Variants in FBXL17 observed in about 807,000 individuals in gnomAD.
The protein encoded by FBXL17 is F-box and leucine rich repeat protein 17.
A neutral mutation model predicts 66.2 loss-of-function variants in FBXL17; 22 were observed. The observed-to-expected ratio is 0.33, with a 90% confidence interval of 0.24 to 0.47. The LOEUF (loss-of-function observed/expected upper bound fraction) is 0.47. Ranked by LOEUF, FBXL17 falls within the 20% of genes least tolerant of loss-of-function variation. The pLI is 1.00. For missense variants in FBXL17, 878 were observed against 948.2 expected, an observed-to-expected ratio of 0.93 and a Z score of 0.97; for synonymous variants, 474 against 400.5, an observed-to-expected ratio of 1.18 and a Z score of -2.19.
At chr5:108,068,746 T>C (rs1020843776) in intron 6 of FBXL17, among the ~76,000 whole-genome samples, 2 of 152,158 alleles carry the variant, frequency 1.3e-5, no homozygotes, top group Non-Finnish European at 2.9e-5. Context: ...CGTGAGCCAC[T>C]GCGCCCGGCC....
At chr5:108,363,262 T>G (rs1748454716) in intron 3 of FBXL17, among the ~76,000 whole-genome samples, 1 of 151,992 alleles carries the variant, frequency 6.6e-6, no homozygotes, top group Non-Finnish European at 1.5e-5. Flanking sequence ...TAATTTCTAT[T>G]TTATGTATAT....
At chr5:108,353,747 C>T (rs1008058570) in intron 3 of FBXL17, among the ~76,000 whole-genome samples, 16 of 152,072 alleles carry the variant, frequency 1.1e-4, no homozygotes, top group Non-Finnish European at 1.9e-4. Context: ...CATCCCAGCC[C>T]ACCTAAGGGT....
intron 4 of FBXL17, among the ~76,000 whole-genome samples, chr5:108,231,567 G>A (rs1340098490): frequency 1.3e-5 from 2 of 152,008 alleles, no homozygotes; most frequent in Admixed American, 6.6e-5. Flanking sequence ...TCCTGTTCCC[G>A]CAACAGTACA....
intron 6 of FBXL17, among the ~76,000 whole-genome samples, chr5:108,140,768 C>T (rs533747226): frequency 3.9e-5 from 6 of 152,058 alleles, no homozygotes; most frequent in African/African-American, 4.8e-5. Flanking sequence ...CCCCAAAATT[C>T]GAGATGATTG....
At chr5:107,982,358 G>A (rs762681348) in intron 7 of FBXL17, among the ~76,000 whole-genome samples, 104 of 152,090 alleles carry the variant, frequency 6.8e-4, no homozygotes, top group Admixed American at 2.1e-3. Flanking sequence ...TCAAGGAAAT[G>A]TACCAGGTTC....
chr5:107,961,222 G>T (rs2416520), intron 7 of FBXL17, among the ~76,000 whole-genome samples: 61,072 of 150,520 alleles, frequency 0.41, 12,518 homozygotes, highest in South Asian at 0.53. Context: ...TTCTTTTTTT[G>T]GGGGGTTTTG....
chr5:108,165,666 G>T (rs114031765), intron 6 of FBXL17, among the ~76,000 whole-genome samples: 36 of 152,168 alleles, frequency 2.4e-4, no homozygotes, highest in African/African-American at 8.7e-4. Flanking sequence ...GATTATCCTT[G>T]AGCCTTAGTT....
At chr5:108,304,145 A>G (rs1223466825) in intron 4 of FBXL17, among the ~76,000 whole-genome samples, 1 of 152,016 alleles carries the variant, frequency 6.6e-6, no homozygotes, top group African/African-American at 2.4e-5. Flanking sequence ...TATGATGGGC[A>G]TTAAACACTT....
At chr5:107,956,365 A>T (rs1404315889) in intron 7 of FBXL17, among the ~76,000 whole-genome samples, 1 of 152,150 alleles carries the variant, frequency 6.6e-6, no homozygotes, top group Non-Finnish European at 1.5e-5. Context: ...TTTCAGAACC[A>T]CTGCTATAGA....
intron 4 of FBXL17, among the ~76,000 whole-genome samples, chr5:108,314,917 A>G (rs1177509476): frequency 1.3e-5 from 2 of 151,244 alleles, no homozygotes; most frequent in South Asian, 2.1e-4. Context: ...CTGTTGTATT[A>G]TTAAAGATCA....
At chr5:108,021,889 T>C (rs1044866970) in intron 6 of FBXL17, among the ~76,000 whole-genome samples, 1 of 151,878 alleles carries the variant, frequency 6.6e-6, no homozygotes, top group African/African-American at 2.4e-5. Flanking sequence ...AAAAGAGTCA[T>C]TAACCTTTTC....
At chr5:108,166,109 T>C (rs1314456354) in intron 6 of FBXL17, among the ~76,000 whole-genome samples, 1 of 152,196 alleles carries the variant, frequency 6.6e-6, no homozygotes, top group Non-Finnish European at 1.5e-5. Context: ...CTATCTGACA[T>C]TGAGGTATAT....
At chr5:107,929,314 T>G (rs1328263590) in intron 7 of FBXL17, among the ~76,000 whole-genome samples, 1 of 152,188 alleles carries the variant, frequency 6.6e-6, no homozygotes, top group African/African-American at 2.4e-5. Flanking sequence ...TCCTGATGCT[T>G]CTTTCCTACT....
chr5:107,979,223 T>A (rs1216712879), intron 7 of FBXL17, among the ~76,000 whole-genome samples: 1 of 152,226 alleles, frequency 6.6e-6, no homozygotes, highest in East Asian at 1.9e-4. Context: ...TATGTAATAC[T>A]GAAACAATTC....
intron 4 of FBXL17, among the ~76,000 whole-genome samples, chr5:108,326,476 G>A (rs184685878): frequency 5.6e-4 from 85 of 151,934 alleles, no homozygotes; most frequent in Admixed American, 1.6e-3. Context: ...GGTGGTGCAC[G>A]CCTGTAATCC....
intron 6 of FBXL17, among the ~76,000 whole-genome samples, chr5:108,044,914 AT>A (rs1340236260): frequency 6.6e-6 from 1 of 152,024 alleles, no homozygotes; most frequent in East Asian, 1.9e-4. Context: ...AAATTGTCAA[AT>A]TTATGTGTGT....
intron 7 of FBXL17, among the ~76,000 whole-genome samples, chr5:108,005,962 G>A (rs759401167): frequency 6.6e-6 from 1 of 152,158 alleles, no homozygotes; most frequent in Non-Finnish European, 1.5e-5. Flanking sequence ...GAACCGTGAC[G>A]TGGGACTACC....
intron 7 of FBXL17, among the ~76,000 whole-genome samples, chr5:107,960,947 A>C (rs1751878455): frequency 6.6e-6 from 1 of 152,136 alleles, no homozygotes; most frequent in African/African-American, 2.4e-5. Flanking sequence ...AGGTTACCAG[A>C]GGGTATGCAC....
intron 8 of FBXL17, among the ~76,000 whole-genome samples, chr5:107,864,276 T>C (rs11740286): frequency 0.16 from 24,470 of 152,122 alleles, 2,648 homozygotes; most frequent in African/African-American, 0.3. Context: ...ATAGCATTAA[T>C]CAATATTGTT....
Sources: gnomAD v4.1 joint callset for allele counts (sites outside exome capture counted in the v4.1 genomes callset) on GRCh38, gnomAD v4.1.1 for gene constraint, MANE v1.5 for transcripts, NCBI Gene and HGNC (gene_info 2026-07-23, HGNC 2026-07-21) for gene names.